ABLIM1: variants seen among roughly 807,000 people sequenced by gnomAD.
ABLIM1 encodes the protein actin binding LIM protein 1.
A neutral mutation model predicts 107.0 loss-of-function variants in ABLIM1; 40 were observed. The ratio of observed to expected loss-of-function variants is 0.37; its 90% CI spans 0.29 to 0.49. The LOEUF is 0.49. Ranked by LOEUF, ABLIM1 falls within the 20% of genes least tolerant of loss-of-function variation. The pLI, the probability that ABLIM1 is intolerant of heterozygous loss-of-function variation, is 0.97. For missense variants in ABLIM1, 857 were observed against 1,008.5 expected (o/e 0.85, Z 2.04); for synonymous variants, 357 against 357.3 (o/e 1.00, Z 0.01).
chr10:114,680,243 CTT>C (rs1566229055), intron 1 of ABLIM1, among the ~76,000 whole-genome samples: 1 of 152,160 alleles, frequency 6.6e-6, no homozygotes, highest in African/African-American at 2.4e-5. Flanking sequence ...TCCTCACAAT[CTT>C]ATAAAGCAGA....
rs556199639 is a variant in ABLIM1 at position 114,560,611 on chromosome 10, G to C, written c.673+10686C>G. Among the ~76,000 whole-genome samples the C allele has an allele frequency of 7.2e-5, 11 of 152,260 alleles. No homozygotes were observed. In the South Asian group the frequency reaches 2.3e-3, roughly 32 times the overall value. ...GCCATATAGCCTCGGTGTGTAGTAA[G>C]CTATACCATCTAGGTTTGTGTAAGT... On this transcript the variant is annotated intron_variant, in intron 4 of 22. Coordinates refer to ENST00000533213, the MANE Select transcript of ABLIM1 (RefSeq NM_002313.7).
At chr10:114,787,046 T>C in the ABLIM1 span, among the ~76,000 whole-genome samples, 3 of 148,144 alleles carry the variant, frequency 2.0e-5, no homozygotes, top group Admixed American at 2.0e-4. Context: ...ATCTAGGAAG[T>C]GAGGAGCGCC....
intron 1 of ABLIM1, among the ~76,000 whole-genome samples, chr10:114,664,706 G>A (rs941002529): frequency 6.6e-6 from 1 of 151,346 alleles, no homozygotes; most frequent in South Asian, 2.1e-4. Flanking sequence ...ACCATGCTTG[G>A]CTAATTTTTG....
At chr10:114,735,591 T>C (rs925323621) in intron 1 of ABLIM1, among the ~76,000 whole-genome samples, 1 of 152,214 alleles carries the variant, frequency 6.6e-6, no homozygotes, top group African/African-American at 2.4e-5. Flanking sequence ...TGCCTCAGTC[T>C]CCTGAGTAGC....
At chr10:114,717,930 G>GA (rs1460349104) in intron 1 of ABLIM1, among the ~76,000 whole-genome samples, 1 of 143,866 alleles carries the variant, frequency 7.0e-6, no homozygotes, top group Non-Finnish European at 1.5e-5. Flanking sequence ...GAGAGAAGGG[G>GA]GGGAAGGGGA....
chr10:114,455,243 T>C (rs2139790658), intron 12 of ABLIM1, among the ~76,000 whole-genome samples: 1 of 152,346 alleles, frequency 6.6e-6, no homozygotes, highest in South Asian at 2.1e-4. Flanking sequence ...AAATTTAGAT[T>C]TCTGGCTTTT....
chr10:114,784,301 G>A, the ABLIM1 span, among the ~76,000 whole-genome samples: 3 of 148,612 alleles, frequency 2.0e-5, no homozygotes, highest in Non-Finnish European at 4.4e-5. Context: ...AGCCGAGATC[G>A]TGCCACTGCA....
intron 6 of ABLIM1, among the ~76,000 whole-genome samples, chr10:114,526,122 T>G (rs1312949414): frequency 2.0e-5 from 3 of 152,172 alleles, no homozygotes; most frequent in East Asian, 1.9e-4. Context: ...ATCTAAACAT[T>G]TTGTTTCCTT....
intron 1 of ABLIM1, among the ~76,000 whole-genome samples, chr10:114,716,890 CAGTT>C (rs1438241732): frequency 1.0e-4 from 15 of 146,942 alleles, no homozygotes; most frequent in South Asian, 4.5e-4. Context: ...ACAGGAGAAA[CAGTT>C]AGCTCCATTA....
chr10:114,484,907 A>T (rs1276917068), intron 8 of ABLIM1, among the ~76,000 whole-genome samples: 2 of 152,220 alleles, frequency 1.3e-5, no homozygotes, highest in African/African-American at 4.8e-5. Context: ...CATGAGCCAT[A>T]GCCTGGGATG....
chr10:114,746,896 A>AC (rs1198871765), intron 1 of ABLIM1, among the ~76,000 whole-genome samples: 1 of 151,950 alleles, frequency 6.6e-6, no homozygotes, highest in Non-Finnish European at 1.5e-5. Flanking sequence ...TCTTAATTGG[A>AC]TTATTTCTTT....
At chr10:114,494,857 A>C (rs2059459612) in intron 6 of ABLIM1, among the ~76,000 whole-genome samples, 1 of 152,138 alleles carries the variant, frequency 6.6e-6, no homozygotes, top group Non-Finnish European at 1.5e-5. Flanking sequence ...TTCCACATCA[A>C]TAAAATGGGT....
At chr10:114,566,472 A>G (rs2070757915) in intron 4 of ABLIM1, among the ~76,000 whole-genome samples, 1 of 152,218 alleles carries the variant, frequency 6.6e-6, no homozygotes, top group Admixed American at 6.5e-5. Context: ...ATTGGTAAAT[A>G]CATGAAGAAG....
Position 114,431,334 on chromosome 10 carries a change from G to A in ABLIM1, c.*4926C>T, listed in dbSNP as rs1259974431. ...ACCTGCTCAGTTTCACAGGGAACAC[G>A]ACACAGCTTTTCAAAAGGAATTCTT... On this transcript the variant is annotated 3_prime_UTR_variant, in exon 23 of 23. Transcript: ENST00000533213. The A allele has an allele frequency of 1.3e-5, 2 of 152,194 alleles. No homozygotes were observed. The highest frequency in any genetic ancestry group is 2.1e-4 in the South Asian group (1 of 4,818). The allele number at this position is 152,194 out of a possible 1,614,324, so 9.4% of individuals were successfully genotyped here. A position where few individuals can be genotyped will look rare whatever the true frequency, so the allele number is the denominator to read the frequency against.
chr10:114,634,393 A>G (rs1264426735), intron 1 of ABLIM1, among the ~76,000 whole-genome samples: 1 of 151,474 alleles, frequency 6.6e-6, no homozygotes, highest in African/African-American at 2.4e-5. Context: ...CGGCCTCCCA[A>G]AGTGCTGGGA....
intron 1 of ABLIM1, among the ~76,000 whole-genome samples, chr10:114,764,503 G>A (rs923098415): frequency 4.6e-5 from 7 of 151,580 alleles, no homozygotes; most frequent in Non-Finnish European, 8.8e-5. Context: ...CACCATGCCC[G>A]GCTAATTTTT....
At chr10:114,461,264 G>A (rs752131986) in intron 12 of ABLIM1, among the ~76,000 whole-genome samples, 4 of 151,058 alleles carry the variant, frequency 2.6e-5, no homozygotes, top group South Asian at 2.1e-4. Context: ...ATGGGGTTTC[G>A]CCATGTTGCC....
At chr10:114,578,834 T>G (rs2072995685) in intron 2 of ABLIM1, among the ~76,000 whole-genome samples, 1 of 142,576 alleles carries the variant, frequency 7.0e-6, no homozygotes, top group African/African-American at 2.6e-5. Context: ...TTGCCCAGGC[T>G]GGAGTGCAGT....
At chr10:114,498,369 G>T (rs936553098) in intron 6 of ABLIM1, among the ~76,000 whole-genome samples, 10 of 152,172 alleles carry the variant, frequency 6.6e-5, no homozygotes, top group Non-Finnish European at 1.2e-4. Flanking sequence ...TTTAACCAAT[G>T]ATTCCTCCGT....
Sources: allele counts gnomAD v4.1 joint callset (sites outside exome capture counted in the v4.1 genomes callset), GRCh38; gene constraint gnomAD v4.1.1; transcripts MANE v1.5; gene names NCBI Gene and HGNC (gene_info 2026-07-23, HGNC 2026-07-21).